FAR2: variants seen among roughly 807,000 people sequenced by gnomAD.
FAR2 encodes the protein epididymis secretory protein Li 81.
FAR2 carries 19 observed loss-of-function variants against 56.0 expected under a neutral mutation model. That is an observed-to-expected ratio of 0.34 (90% CI 0.24 to 0.50). The LOEUF (loss-of-function observed/expected upper bound fraction) is 0.50. Ranked by LOEUF, FAR2 falls within the 20% of genes least tolerant of loss-of-function variation. The pLI is 0.98. For synonymous variants in FAR2, 219 were observed against 218.8 expected, an observed-to-expected ratio of 1.00 and a Z score of -0.01; for missense variants, 508 against 642.2, an observed-to-expected ratio of 0.79 and a Z score of 2.26.
chr12:29,167,245 A>C (rs957800953), intron 1 of FAR2, among the ~76,000 whole-genome samples: 1 of 152,014 alleles, frequency 6.6e-6, no homozygotes, highest in Admixed American at 6.6e-5. Context: ...ATAAATATTT[A>C]CCCCTTTCCA....
rs1280379791 is a variant in FAR2, at chr12:29,311,068, T to A, written c.809T>A (p.Met270Lys). 6.2e-7 allele frequency: 1 copy of A among 1,613,646 alleles called. No homozygotes were observed. The highest frequency in any genetic ancestry group is 8.5e-7 in the Non-Finnish European group (1 of 1,179,632). Residue 270 changes from methionine to lysine, a missense_variant, in exon 7 of 12, where the codon ATG (methionine) becomes AAG (lysine). Transcript: ENST00000536681. ...GFLRAIKATP[M>K]AVADVIPVDT... The stretch of plus-strand genomic sequence containing the variant: ...CTTCGGGCCATAAAAGCTACTCCAA[T>A]GGCTGTGGCAGACGTAATTCCAGTT...
intron 1 of FAR2, among the ~76,000 whole-genome samples, chr12:29,227,836 C>T (rs1947793705): frequency 6.6e-6 from 1 of 150,888 alleles, no homozygotes; most frequent in African/African-American, 2.4e-5. Flanking sequence ...AACCAAAATA[C>T]TTACCAAAAA....
At chr12:29,201,719 A>C (rs1947414711) in intron 1 of FAR2, among the ~76,000 whole-genome samples, 2 of 152,230 alleles carry the variant, frequency 1.3e-5, no homozygotes, top group Non-Finnish European at 2.9e-5. Context: ...CTAGAACTGC[A>C]CTGTTTAGTA....
Position 29,334,013 on chromosome 12 carries a change from C to A in FAR2, c.*219C>A. The A allele has an allele frequency of 2.5e-6, 1 of 401,432 alleles. No individual in the cohort carries two copies. The highest frequency in any genetic ancestry group is 4.4e-5 in the Admixed American group (1 of 22,968). 24.9% of individuals were successfully genotyped at this position (401,432 alleles called of 1,614,324 possible). A position where few individuals can be genotyped will look rare whatever the true frequency, so the allele number is the denominator to read the frequency against. On this transcript the variant is annotated 3_prime_UTR_variant, in exon 12 of 12. Transcript: ENST00000536681. ...TCACCTATATTTTAGGGAAAAAAAT[C>A]CAAATTGTTTCCTAACATTCTATTT...
intron 1 of FAR2, among the ~76,000 whole-genome samples, chr12:29,190,385 AGAG>A (rs1379108929): frequency 6.6e-6 from 1 of 151,858 alleles, no homozygotes; most frequent in Non-Finnish European, 1.5e-5. Flanking sequence ...GAGGCTGAGC[AGAG>A]GAGGAGCCAG....
intron 1 of FAR2, among the ~76,000 whole-genome samples, chr12:29,187,841 T>C (rs1278478602): frequency 6.6e-6 from 1 of 152,216 alleles, no homozygotes; most frequent in Admixed American, 6.5e-5. Context: ...CAACTCTGCT[T>C]CCCATTGTAG....
chr12:29,253,324 T>C, intron 1 of FAR2, among the ~76,000 whole-genome samples: 1 of 150,840 alleles, frequency 6.6e-6, no homozygotes, highest in African/African-American at 2.4e-5. Context: ...TCTATATCTA[T>C]CTAGATAGAT....
intron 1 of FAR2, among the ~76,000 whole-genome samples, chr12:29,247,481 A>G (rs1948146254): frequency 6.6e-6 from 1 of 152,154 alleles, no homozygotes; most frequent in African/African-American, 2.4e-5. Context: ...TATTCCATGA[A>G]TCAATAGTCT....
intron 1 of FAR2, among the ~76,000 whole-genome samples, chr12:29,220,727 G>A (rs1947675991): frequency 6.6e-6 from 1 of 151,940 alleles, no homozygotes; most frequent in African/African-American, 2.4e-5. Context: ...CTCAATTCTT[G>A]CCTCCTCAGA....
At chr12:29,308,917 G>A (rs1389052948) in intron 5 of FAR2, among the ~76,000 whole-genome samples, 1 of 151,882 alleles carries the variant, frequency 6.6e-6, no homozygotes, top group Non-Finnish European at 1.5e-5. Context: ...GTCCATAAGA[G>A]GTCATAAAAC....
At chr12:29,157,854 A>G (rs1168385684) in intron 1 of FAR2, among the ~76,000 whole-genome samples, 2 of 152,208 alleles carry the variant, frequency 1.3e-5, no homozygotes, top group African/African-American at 4.8e-5. Flanking sequence ...AGTTAGATTC[A>G]CCAGTGCACA....
At chr12:29,211,322 G>T (rs1269419684) in intron 1 of FAR2, among the ~76,000 whole-genome samples, 1 of 152,090 alleles carries the variant, frequency 6.6e-6, no homozygotes, top group African/African-American at 2.4e-5. Context: ...TGAATATCTT[G>T]TGGGTGTTCT....
chr12:29,270,551 C>T lies in FAR2; in HGVS notation c.102C>T (p.Ser34=). ...TGATGGAGAAGCTGTTTCGCACCAGCCCAGACCTGAAAGTCATTTACATCC... is the reference window on the plus strand; with the variant it reads ...TGATGGAGAAGCTGTTTCGCACCAGTCCAGACCTGAAAGTCATTTACATCC... ...KVLMEKLFRT[S]PDLKVIYILV... The change falls in exon 2 of 12, where the codon AGC becomes AGT. Residue 34 remains serine (S), a synonymous_variant. Transcript: ENST00000536681. 1.2e-6 allele frequency: 2 copies of T among 1,614,040 alleles called. No homozygotes were observed. Among genetic ancestry groups the T allele is most frequent in the Non-Finnish European group, 1.7e-6 (2 of 1,179,926 alleles).
chr12:29,315,962 A>AGT (rs200366749), intron 8 of FAR2, among the ~76,000 whole-genome samples: 4,575 of 152,266 alleles, frequency 0.03, 225 homozygotes, highest in African/African-American at 0.1. Flanking sequence ...ATCAGAACCA[A>AGT]ATGTTTTAAT....
chr12:29,221,337 C>T (rs1488408318), intron 1 of FAR2, among the ~76,000 whole-genome samples: 3 of 152,084 alleles, frequency 2.0e-5, no homozygotes, highest in African/African-American at 7.2e-5. Context: ...CTGATGGTTG[C>T]CTGACATTCC....
At chr12:29,221,194 A>G (rs77333297) in intron 1 of FAR2, among the ~76,000 whole-genome samples, 9,970 of 152,026 alleles carry the variant, frequency 0.066, 425 homozygotes, top group East Asian at 0.15. Context: ...CACTTGCCCA[A>G]CTCCAGAGAT....
At chr12:29,329,881 A>G (rs1004141962) in intron 10 of FAR2, among the ~76,000 whole-genome samples, 1 of 152,172 alleles carries the variant, frequency 6.6e-6, no homozygotes, top group African/African-American at 2.4e-5. Context: ...TTAAAAAGAG[A>G]ATGCCCATAC....
intron 10 of FAR2, among the ~76,000 whole-genome samples, chr12:29,325,639 C>A (rs1340108507): frequency 6.6e-6 from 1 of 152,134 alleles, no homozygotes; most frequent in Non-Finnish European, 1.5e-5. Context: ...ACAACCTGCT[C>A]CTCAGTGACT....
chr12:29,156,412 T>C (rs1473916852), intron 1 of FAR2: 1 of 152,172 alleles, frequency 6.6e-6, no homozygotes, highest in Non-Finnish European at 1.5e-5. Context: ...TAACGCTACA[T>C]GCCCATGTAA....
Sources: allele counts gnomAD v4.1 joint callset (sites outside exome capture counted in the v4.1 genomes callset), GRCh38; gene constraint gnomAD v4.1.1; transcripts MANE v1.5; gene names NCBI Gene and HGNC (gene_info 2026-07-23, HGNC 2026-07-21).